The following WASHC2A variants were observed in gnomAD, a reference collection of about 807,000 sequenced individuals.
The protein encoded by WASHC2A is WASH complex subunit FAM21A.
Under a neutral mutation model 140.3 loss-of-function variants are expected in WASHC2A, and 82 were observed. The observed-to-expected ratio is 0.58, with a 90% CI of 0.49 to 0.70. The LOEUF (loss-of-function observed/expected upper bound fraction) is 0.70. Ranked by LOEUF, WASHC2A falls within the 30% of genes least tolerant of loss-of-function variation. The probability of loss-of-function intolerance (pLI) is 0.00; values close to 1 mark genes in which losing one functional copy is unlikely to be tolerated. For synonymous variants in WASHC2A, 340 were observed against 560.8 expected, an observed-to-expected ratio of 0.61 and a Z score of 5.56; for missense variants, 985 against 1,521.8, an observed-to-expected ratio of 0.65 and a Z score of 5.87.
chr10:50,089,294 TA>T (rs1839670381), intron 8 of WASHC2A, among the ~76,000 whole-genome samples: 1 of 147,294 alleles, frequency 6.8e-6, no homozygotes, highest in Admixed American at 6.9e-5. Context: ...CAGTACAGTA[TA>T]GTGAGTAAAA....
chr10:50,103,857 C>T (rs1281032700), intron 17 of WASHC2A, among the ~76,000 whole-genome samples, 185 bp from the exon 18 acceptor site: 1 of 152,108 alleles, frequency 6.6e-6, no homozygotes, highest in Non-Finnish European at 1.5e-5. Context: ...AGTGCCACTG[C>T]ACACACCCTG....
chr10:50,092,570 T>G (rs1383326668), intron 11 of WASHC2A, among the ~76,000 whole-genome samples: 2 of 151,840 alleles, frequency 1.3e-5, no homozygotes, highest in African/African-American at 4.8e-5. Context: ...GGCAGGAGAA[T>G]CACTTGAACC....
intron 30 of WASHC2A, among the ~76,000 whole-genome samples, chr10:50,131,498 G>C (rs1402656890): frequency 1.1e-3 from 172 of 152,302 alleles, no homozygotes; most frequent in African/African-American, 3.9e-3. Flanking sequence ...GGTTCTGTGC[G>C]AGAAGAGAGC....
At chr10:50,084,703 A>G (rs1332356272) in intron 6 of WASHC2A, among the ~76,000 whole-genome samples, 4 of 148,064 alleles carry the variant, frequency 2.7e-5, no homozygotes, top group South Asian at 2.2e-4. Context: ...TGCTGGGATT[A>G]CAAGCATGAG....
chr10:50,113,231 T>C (rs1488090918), intron 20 of WASHC2A, among the ~76,000 whole-genome samples: 1 of 151,934 alleles, frequency 6.6e-6, no homozygotes, highest in Non-Finnish European at 1.5e-5. Context: ...TAGCCAGGCA[T>C]GGTGACGTGT....
At position 50,129,423 on chromosome 10, in the gene WASHC2A, G is replaced by A. The variant is rs555524419; in HGVS notation, c.3092G>A (p.Arg1031His). 16 of 1,612,058 alleles carry A rather than the reference G, an allele frequency of 9.9e-6. No individual in the cohort carries two copies. Among genetic ancestry groups the A allele is most frequent in the African/African-American group, 2.7e-5 (2 of 74,986 alleles). Residue 1031 changes from arginine to histidine, a missense_variant, in exon 29 of 31, where the codon CGT becomes CAT. Arg to His is a conservative substitution (Grantham distance 29). Coordinates refer to ENST00000282633, the MANE Select transcript of WASHC2A (RefSeq NM_001005751.3). ...ADTLHSANKS[R>H]VKMRGKRRPQ... ...TGTGTTTTTTTGCCATTGCAGAGCC[G>A]TGTCAAGATGAGAGGGAAGCGTAGA...
intron 25 of WASHC2A, 26 bp downstream of exon 25, chr10:50,125,475 G>A: frequency 6.2e-7 from 1 of 1,604,876 alleles, no homozygotes; most frequent in South Asian, 1.1e-5. Context: ...TCTCAATACT[G>A]GGTTGTGTGG....
intron 16 of WASHC2A, among the ~76,000 whole-genome samples, chr10:50,099,415 G>A (rs1239775367): frequency 2.0e-4 from 30 of 150,376 alleles, no homozygotes; most frequent in Non-Finnish European, 2.8e-4. Flanking sequence ...GACTATATGC[G>A]TGCGCCACCA....
intron 30 of WASHC2A, 88 bp downstream of exon 30, chr10:50,131,166 C>T (rs757005858): frequency 5.0e-5 from 80 of 1,598,022 alleles, no homozygotes; most frequent in Non-Finnish European, 6.3e-5. Context: ...TGGCCCTTTT[C>T]TGGAAAATGC....
intron 30 of WASHC2A, among the ~76,000 whole-genome samples, chr10:50,132,298 A>G (rs1844042250): frequency 6.6e-6 from 1 of 152,276 alleles, no homozygotes; most frequent in Non-Finnish European, 1.5e-5. Context: ...TACCATAATT[A>G]GATAAGACAA....
At position 50,095,087 on chromosome 10, in the gene WASHC2A, G is replaced by T. The variant is rs562400425; in HGVS notation, c.1181-61G>T. 2,087 of 1,596,516 alleles carry T rather than the reference G, an allele frequency of 1.3e-3. 44 individuals are homozygous for T. In the South Asian group the frequency reaches 0.021, roughly 16 times the overall value. Reference sequence around the variant, plus strand: ...TTTTACATCGCACGTATTTCAGGAAGAAAATAGCAAGGAAAGTTATTTCCC... The same window carrying T: ...TTTTACATCGCACGTATTTCAGGAATAAAATAGCAAGGAAAGTTATTTCCC... On this transcript the variant is annotated intron_variant, in intron 13 of 30. Transcript: ENST00000282633.
rs1198524146 is a variant in WASHC2A at position 50,129,487 on chromosome 10, G to T, written c.3156G>T (p.Glu1052Asp). 2.5e-6 allele frequency: 4 copies of T among 1,612,084 alleles called. No homozygotes were observed. The highest frequency in any genetic ancestry group is 3.4e-6 in the Non-Finnish European group (4 of 1,179,872). The stretch of plus-strand genomic sequence containing the variant: ...CAGCTAGGCGGCTGGCTGCTCAGGA[G>T]TCCAGCGAGACTGAGGACATGAGCG... ...TRAARRLAAQ[E>D]SSETEDMSVP... Residue 1052 changes from glutamate to aspartate, a missense_variant, in exon 29 of 31, where the codon GAG (glutamate) becomes GAT (aspartate). Glu to Asp is a conservative substitution (Grantham distance 45). Transcript: ENST00000282633.
chr10:50,118,127 C>T lies in WASHC2A; in HGVS notation c.2295+69C>T, dbSNP rs1842814141. Reference sequence around the variant, plus strand: ...TATGTTGTTTCAAACACACACAACCCCTTAAGTTTTTTGACCACAGAAAAT... The same window carrying T: ...TATGTTGTTTCAAACACACACAACCTCTTAAGTTTTTTGACCACAGAAAAT... On this transcript the variant is annotated intron_variant, in intron 22 of 30. Coordinates refer to ENST00000282633, the MANE Select transcript of WASHC2A (RefSeq NM_001005751.3). 3.5e-6 allele frequency: 5 copies of T among 1,436,322 alleles called. No individual in the cohort carries two copies. In the African/African-American group the frequency reaches 4.2e-5, roughly 12 times the overall value. The allele number at this position is 1,436,322 out of a possible 1,614,324, so 89.0% of individuals were successfully genotyped here.
At position 50,069,423 on chromosome 10, in the gene WASHC2A, A is replaced by G. The variant is rs568789008; in HGVS notation, c.127-124A>G. The G allele has an allele frequency of 3.2e-5, 45 of 1,385,136 alleles. 3 individuals are homozygous for G. The South Asian group carries it at 6.9e-4, about 21-fold the overall frequency. The allele number at this position is 1,385,136 out of a possible 1,614,324, so 85.8% of individuals were successfully genotyped here. On this transcript the variant is annotated intron_variant, in intron 2 of 30. Transcript: ENST00000282633. ...AACAGAGTGAAACTCTCTCAAAAAA[A>G]AAAAAAGCATTTCTTTCACATTCTA...
At chr10:50,080,261 A>C (rs1838776765) in intron 4 of WASHC2A, among the ~76,000 whole-genome samples, 1 of 152,188 alleles carries the variant, frequency 6.6e-6, no homozygotes, top group African/African-American at 2.4e-5. Flanking sequence ...CTTTTGATGT[A>C]GAACAGATTT....
At chr10:50,078,109 C>T in intron 3 of WASHC2A, 1 of 792,408 alleles carries the variant, frequency 1.3e-6, no homozygotes, top group South Asian at 1.8e-5. Context: ...CCTACCCATG[C>T]TGTCAGGGTT....
intron 20 of WASHC2A, among the ~76,000 whole-genome samples, chr10:50,111,285 G>C (rs2669690): frequency 0.071 from 7,207 of 102,102 alleles, 512 homozygotes; most frequent in Middle Eastern, 0.18. Context: ...TCAGAAGTAC[G>C]TCAGGTTTCT....
At chr10:50,087,212 C>T (rs1839463405) in intron 7 of WASHC2A, 63 bp from the exon 8 acceptor site, 5 of 1,610,180 alleles carry the variant, frequency 3.1e-6, no homozygotes, top group Non-Finnish European at 4.2e-6. Flanking sequence ...CTTAGACCTG[C>T]AATCATTTCT....
chr10:50,068,093 T>G lies in WASHC2A; in HGVS notation c.4-12T>G. The G allele has an allele frequency of 3.7e-6, 6 of 1,608,808 alleles. No homozygotes were observed. Among genetic ancestry groups the G allele is most frequent in the Non-Finnish European group, 5.1e-6 (6 of 1,178,306 alleles). ...TCAGGCTCAGCTTCTCTTCTCGTTT[T>G]TTTCGCTGCAGATGAACCGGACGAC... On this transcript the variant is annotated splice_polypyrimidine_tract_variant and intron_variant, in intron 1 of 30. Transcript: ENST00000282633.
Sources: gnomAD v4.1 joint callset for allele counts (sites outside exome capture counted in the v4.1 genomes callset) on GRCh38, gnomAD v4.1.1 for gene constraint, MANE v1.5 for transcripts, NCBI Gene and HGNC (gene_info 2026-07-23, HGNC 2026-07-21) for gene names.